The following NOL7 variants were observed in gnomAD, a reference collection of about 807,000 sequenced individuals.
NOL7 encodes the protein U3 small nucleolar RNA-associated protein NOL7.
In NOL7, 36 loss-of-function variants were observed where a neutral mutation model predicts 38.4. The ratio of observed to expected loss-of-function variants is 0.94; its 90% CI spans 0.72 to 1.24. NOL7 has a LOEUF of 1.24. Ranked by LOEUF, NOL7 falls within the 50% of genes most tolerant of loss-of-function variation. NOL7 has a pLI of 0.00. For missense variants in NOL7, 350 were observed against 315.1 expected (o/e 1.11, Z -0.84); for synonymous variants, 142 against 126.5 (o/e 1.12, Z -0.82).
chr6:13,628,468 C>T (rs1383340154), intron 8 of NOL7, among the ~76,000 whole-genome samples: 1 of 152,056 alleles, frequency 6.6e-6, no homozygotes, highest in East Asian at 1.9e-4. Context: ...AAAAAACATA[C>T]TAAAAAGCTT....
rs150835265 is a variant in NOL7, at chr6:13,617,301, G to A, written c.387-469G>A. ...TGTGTGGCCTTTCTCCTGTGCAAAT[G>A]CTTCTGTATTGTATTCTGTCCATTT... On this transcript the variant is annotated intron_variant, in intron 3 of 7. Coordinates refer to ENST00000451315, the MANE Select transcript of NOL7 (RefSeq NM_016167.5). Among the ~76,000 whole-genome samples, 406 of 150,742 alleles carry A rather than the reference G, an allele frequency of 2.7e-3. 3 individuals are homozygous for A. The highest frequency in any genetic ancestry group is 9.5e-3 in the African/African-American group (386 of 40,552).
intron 8 of NOL7, among the ~76,000 whole-genome samples, chr6:13,627,060 A>G (rs1187110298): frequency 1.3e-5 from 2 of 152,186 alleles, no homozygotes; most frequent in Non-Finnish European, 2.9e-5. Context: ...CATTCTGGGT[A>G]GTTTTCTCCT....
In NOL7 at chr6:13,618,144, T is replaced by C. The variant is rs767114023; in HGVS notation, c.500+5T>C. On this transcript the variant is annotated splice_donor_5th_base_variant and intron_variant, in intron 5 of 7. Coordinates refer to ENST00000451315, the MANE Select transcript of NOL7 (RefSeq NM_016167.5). Reference sequence around the variant, plus strand: ...ACAAAAAGTACAGTCTGTCAGGTAATGAGTCTTTTGTTTCATTTGGGATGT... The same window carrying C: ...ACAAAAAGTACAGTCTGTCAGGTAACGAGTCTTTTGTTTCATTTGGGATGT... 1.3e-6 allele frequency: 2 copies of C among 1,526,196 alleles called. No homozygotes were observed. Among genetic ancestry groups the C allele is most frequent in the African/African-American group, 1.4e-5 (1 of 72,684 alleles). The allele number at this position is 1,526,196 out of a possible 1,614,324, so 94.5% of individuals were successfully genotyped here.
downstream of NOL7, among the ~76,000 whole-genome samples, chr6:13,623,315 A>G (rs532673065): frequency 5.9e-5 from 9 of 152,362 alleles, no homozygotes; most frequent in East Asian, 9.6e-4. Flanking sequence ...ACAGTTGACA[A>G]CAAAGGGCAA....
chr6:13,616,487 A>C lies in NOL7; in HGVS notation c.352A>C (p.Ile118Leu). The change falls in exon 3 of 8, where the codon ATT (isoleucine) becomes CTT (leucine). Residue 118 changes from isoleucine (I) to leucine (L), a missense_variant. Transcript: ENST00000451315. ...QKKRKLLPDT[I>L]LEKLTTASQT... ...GAAAAGAAAACTCCTTCCAGACACT[A>C]TTTTGGAGAAGTTAACCACAGCTTC... The C allele has an allele frequency of 6.2e-7, 1 of 1,609,360 alleles. No individual in the cohort carries two copies. Among genetic ancestry groups the C allele is most frequent in the South Asian group, 1.1e-5 (1 of 89,946 alleles).
chr6:13,630,843 A>AT (rs879343525), intron 8 of NOL7, among the ~76,000 whole-genome samples: 375 of 144,802 alleles, frequency 2.6e-3, no homozygotes, highest in Admixed American at 4.4e-3. Context: ...TCATTTTTCT[A>AT]TTTTTTTTTT....
chr6:13,622,815 G>A (rs768094540), downstream of NOL7, among the ~76,000 whole-genome samples: 4 of 152,180 alleles, frequency 2.6e-5, no homozygotes, highest in Non-Finnish European at 5.9e-5. Flanking sequence ...TGGAGAGTAA[G>A]GAATTATTTC....
intron 4 of NOL7, 31 bp downstream of exon 4, chr6:13,617,832 A>C (rs768240174): frequency 6.3e-7 from 1 of 1,595,992 alleles, no homozygotes; most frequent in Non-Finnish European, 8.6e-7. Flanking sequence ...CTAACTTCTC[A>C]TGTAAGTGTC....
downstream of NOL7, chr6:13,625,759 T>C: frequency 6.3e-7 from 1 of 1,591,952 alleles, no homozygotes. Context: ...GTAGACTGAA[T>C]GCATCCTGTT....
At chr6:13,623,122 A>G (rs189202182), downstream of NOL7, among the ~76,000 whole-genome samples, 3 of 152,330 alleles carry the variant, frequency 2.0e-5, no homozygotes, top group Admixed American at 6.5e-5. Flanking sequence ...CCTGCATATC[A>G]TAAGTTTCTT....
chr6:13,622,387 G>C (rs767551564), downstream of NOL7: 1 of 1,595,190 alleles, frequency 6.3e-7, no homozygotes, highest in East Asian at 2.3e-5. Flanking sequence ...TTCCACTGTG[G>C]CAAATGCGCA....
chr6:13,623,266 A>G (rs1479674072), downstream of NOL7, among the ~76,000 whole-genome samples: 1 of 152,214 alleles, frequency 6.6e-6, no homozygotes, highest in South Asian at 2.1e-4. Context: ...GGCAATGTCC[A>G]AACTAATCAA....
intron 8 of NOL7, among the ~76,000 whole-genome samples, chr6:13,630,081 C>T (rs1764736172): frequency 6.6e-6 from 1 of 152,166 alleles, no homozygotes; most frequent in South Asian, 2.1e-4. Context: ...CCTGTTTTCT[C>T]TTCATGTTGC....
At chr6:13,622,602 C>T (rs940346126), downstream of NOL7, 5 of 1,143,806 alleles carry the variant, frequency 4.4e-6, no homozygotes, top group Non-Finnish European at 5.9e-6. Context: ...TCCCATACCA[C>T]TCTGAAATAT....
intron 8 of NOL7, among the ~76,000 whole-genome samples, chr6:13,629,242 T>C (rs1247089780): frequency 6.6e-6 from 1 of 152,112 alleles, no homozygotes; most frequent in East Asian, 1.9e-4. Context: ...TCCCAAAGTG[T>C]TGGGATTACA....
At position 13,615,538 on chromosome 6, in the gene NOL7, C is replaced by A; in HGVS notation, c.180C>A (p.Asp60Glu). Reference protein sequence around the residue: ...EEDEEGDDEFDDEAPEELTFA... With the variant: ...EEDEEGDDEFEDEAPEELTFA... ...ACGAGGAAGGGGACGATGAGTTTGACGATGAGGCCCCGGAGGAGCTGACTT... is the reference window on the plus strand; with the variant it reads ...ACGAGGAAGGGGACGATGAGTTTGAAGATGAGGCCCCGGAGGAGCTGACTT... The change falls in exon 1 of 8, where the codon GAC (aspartate) becomes GAA (glutamate). Residue 60 changes from aspartate to glutamate, a missense_variant. Transcript: ENST00000451315. 1 of 1,558,878 alleles carries A rather than the reference C, an allele frequency of 6.4e-7. No homozygotes were observed.
chr6:13,623,566 A>G (rs1764518252), downstream of NOL7, among the ~76,000 whole-genome samples: 1 of 152,220 alleles, frequency 6.6e-6, no homozygotes, highest in Non-Finnish European at 1.5e-5. Flanking sequence ...GAGGGTTCAC[A>G]GGGAAGACCG....
intron 8 of NOL7, chr6:13,632,310 C>A (rs1764809547): frequency 6.5e-7 from 1 of 1,547,556 alleles, no homozygotes; most frequent in South Asian, 1.2e-5. Flanking sequence ...CAGTGTTTCA[C>A]AAAACTACAT....
downstream of NOL7, among the ~76,000 whole-genome samples, chr6:13,624,751 A>G (rs1007274322): frequency 1.3e-5 from 2 of 152,208 alleles, no homozygotes; most frequent in African/African-American, 4.8e-5. Context: ...ACCCCTGGCT[A>G]AGCCTCGCCT....
Sources: gnomAD v4.1 joint callset for allele counts (sites outside exome capture counted in the v4.1 genomes callset) on GRCh38, gnomAD v4.1.1 for gene constraint, MANE v1.5 for transcripts, NCBI Gene and HGNC (gene_info 2026-07-23, HGNC 2026-07-21) for gene names.